The following DMXL1 variants were observed in gnomAD, a reference collection of about 807,000 sequenced individuals.
DMXL1 encodes Dmx like 1.
Under a neutral mutation model 319.2 loss-of-function variants are expected in DMXL1, and 99 were observed. The ratio of observed to expected loss-of-function variants is 0.31; its 90% confidence interval spans 0.26 to 0.37. DMXL1 has a LOEUF of 0.37. Among genes scored for constraint, DMXL1 ranks in the 10% least tolerant of loss-of-function variants. The pLI is 1.00. For missense variants in DMXL1, 3,745 were observed against 3,595.6 expected (o/e 1.04, Z -1.06); for synonymous variants, 1,385 against 1,235.2 (o/e 1.12, Z -2.54).
At chr5:119,187,403 A>G (rs141961290) in intron 28 of DMXL1, among the ~76,000 whole-genome samples, 6 of 152,306 alleles carry the variant, frequency 3.9e-5, no homozygotes, top group Non-Finnish European at 8.8e-5. Context: ...CCCAGCAGCT[A>G]TAGTTTTTAT....
In DMXL1 at chr5:119,073,923, G is replaced by GT. The variant is rs112722333; in HGVS notation, c.87+2279dup. Among the ~76,000 whole-genome samples the GT allele has an allele frequency of 7.1e-3, 1,022 of 143,254 alleles. 12 individuals are homozygous for GT. The highest frequency in any genetic ancestry group is 0.029 in the South Asian group (130 of 4,540). The allele number at this position is 143,254 out of a possible 152,430, so 94.0% of individuals were successfully genotyped here. A position where few individuals can be genotyped will look rare whatever the true frequency, so the allele number is the denominator to read the frequency against. On this transcript the variant is annotated intron_variant, in intron 1 of 43. Coordinates refer to ENST00000539542, the MANE Select transcript of DMXL1 (RefSeq NM_001290321.3). ...TTTACTTCTTGAGTTGTTTTGTGTT[G>GT]TTTTTTTTTTTTGAGACGGAGTTTC...
Position 119,167,867 on chromosome 5 carries a change from A to G in DMXL1, c.5398+3A>G. On this transcript the variant is annotated splice_donor_region_variant and intron_variant, in intron 23 of 43. Transcript: ENST00000539542. ...GCAACCTATCAGAGAGAATGATGGT[A>G]AGCTGCACTTCTAAGATGTTAATGA... is the stretch of plus-strand genomic sequence containing the variant. The G allele has an allele frequency of 6.2e-7, 1 of 1,609,684 alleles. No homozygotes were observed. Among genetic ancestry groups the G allele is most frequent in the South Asian group, 1.1e-5 (1 of 89,822 alleles).
chr5:119,079,746 C>G (rs562301242), intron 1 of DMXL1, among the ~76,000 whole-genome samples: 2 of 152,138 alleles, frequency 1.3e-5, no homozygotes, highest in Non-Finnish European at 2.9e-5. Flanking sequence ...ATCAACAGAT[C>G]TCCTTTGTAC....
At position 119,247,371 on chromosome 5, in the gene DMXL1, T is replaced by G. The variant is rs1482296693; in HGVS notation, c.*152T>G. ...GCTTTGCCCTTGATGCACTGATGCCTTAAAAATTAACAAGGTCATTCAGAA... is the reference window on the plus strand; with the variant it reads ...GCTTTGCCCTTGATGCACTGATGCCGTAAAAATTAACAAGGTCATTCAGAA... On this transcript the variant is annotated 3_prime_UTR_variant, in exon 44 of 44. Coordinates refer to ENST00000539542, the MANE Select transcript of DMXL1 (RefSeq NM_001290321.3). 1 of 578,628 alleles carries G rather than the reference T, an allele frequency of 1.7e-6. No homozygotes were observed. The highest frequency in any genetic ancestry group is 2.9e-5 in the East Asian group (1 of 34,518). The allele number at this position is 578,628 out of a possible 1,614,324, so 35.8% of individuals were successfully genotyped here.
At chr5:119,210,467 C>G (rs1048021102) in intron 34 of DMXL1, among the ~76,000 whole-genome samples, 2 of 152,066 alleles carry the variant, frequency 1.3e-5, no homozygotes, top group Admixed American at 1.3e-4. Flanking sequence ...AAGTATAGAC[C>G]TCAGTTCTTT....
At chr5:119,219,690 C>T (rs962917857) in intron 35 of DMXL1, among the ~76,000 whole-genome samples, 4 of 152,058 alleles carry the variant, frequency 2.6e-5, no homozygotes, top group Non-Finnish European at 5.9e-5. Context: ...ACCTCATTCT[C>T]CCAAGTAGCT....
rs753125466 is a variant in DMXL1, at chr5:119,197,779, G to T, written c.7568G>T (p.Cys2523Phe). 2 of 1,613,746 alleles carry T rather than the reference G, an allele frequency of 1.2e-6. No individual in the cohort carries two copies. The highest frequency in any genetic ancestry group is 1.7e-6 in the Non-Finnish European group (2 of 1,179,970). ...LAELPVSSPL[C>F]HAVLKTLQCW... is the part of the protein sequence containing the mutation. ...GAGCTTCCAGTTAGTTCACCTCTTT[G>T]TCATGCGGTTCTAAAAACTCTTCAA... Residue 2523 changes from cysteine to phenylalanine, a missense_variant, in exon 32 of 44, where the codon TGT (cysteine) becomes TTT (phenylalanine). Cys to Phe is a radical substitution (Grantham distance 205). This residue lies in a region of DMXL1 where 1,382 missense variants were observed against 1,269.5 expected (regional missense o/e 1.09). Transcript: ENST00000539542.
chr5:119,246,712 C>T (rs754562059), intron 43 of DMXL1, among the ~76,000 whole-genome samples: 12 of 141,234 alleles, frequency 8.5e-5, no homozygotes, highest in Non-Finnish European at 1.2e-4. Flanking sequence ...TGGGTCACTA[C>T]AAACTCCACC....
chr5:119,179,709 A>C (rs1208280673), intron 28 of DMXL1, among the ~76,000 whole-genome samples: 1 of 152,166 alleles, frequency 6.6e-6, no homozygotes, highest in East Asian at 1.9e-4. Context: ...CTGCATGACT[A>C]TATAGCAAAA....
chr5:119,200,235 T>G (rs1369681778), intron 32 of DMXL1, among the ~76,000 whole-genome samples: 1 of 152,188 alleles, frequency 6.6e-6, no homozygotes, highest in Non-Finnish European at 1.5e-5. Context: ...TAATCCATCT[T>G]GAGTTGATTT....
At chr5:119,235,452 C>G (rs1581478624) in intron 39 of DMXL1, among the ~76,000 whole-genome samples, 2 of 151,978 alleles carry the variant, frequency 1.3e-5, no homozygotes, top group Admixed American at 6.6e-5. Context: ...AGTTGAAAAT[C>G]AGGTTTGTTG....
Position 119,170,827 on chromosome 5 carries a change from T to A in DMXL1, c.6036T>A (p.Asp2012Glu), listed in dbSNP as rs1774397763. ...ACACAGAATCTTTCAGCACACTAGA[T>A]GAAAATGACCTTTTAAATCCATCAG... Reference protein sequence around the residue: ...SNYTESFSTLDENDLLNPSED... With the variant: ...SNYTESFSTLEENDLLNPSED... The change falls in exon 24 of 44, where the codon GAT becomes GAA. Residue 2012 changes from aspartate (D) to glutamate (E), a missense_variant. Asp to Glu is a conservative substitution (Grantham distance 45). Transcript: ENST00000539542. The A allele has an allele frequency of 1.2e-6, 2 of 1,611,180 alleles. No individual in the cohort carries two copies. Among genetic ancestry groups the A allele is most frequent in the Admixed American group, 3.4e-5 (2 of 59,540 alleles).
At position 119,171,217 on chromosome 5, in the gene DMXL1, C is replaced by T. The variant is rs1774477122; in HGVS notation, c.6426C>T (p.Ser2142=). The T allele has an allele frequency of 1.2e-6, 2 of 1,612,170 alleles. No homozygotes were observed. The highest frequency in any genetic ancestry group is 1.7e-6 in the Non-Finnish European group (2 of 1,178,758). The change falls in exon 24 of 44, where the codon TCC becomes TCT. Residue 2142 remains serine, a synonymous_variant. Coordinates refer to ENST00000539542, the MANE Select transcript of DMXL1 (RefSeq NM_001290321.3). ...MFLSYCILHG[S]HGGGLASVRM... ...TTAGTTACTGCATACTTCATGGATC[C>T]CATGGTGGGGGTCTTGCATCTGTAA...
At chr5:119,225,915 A>G (rs1249411315) in intron 38 of DMXL1, among the ~76,000 whole-genome samples, 1 of 152,128 alleles carries the variant, frequency 6.6e-6, no homozygotes, top group African/African-American at 2.4e-5. Context: ...TTATATATAA[A>G]ATTTAAATAA....
intron 15 of DMXL1, 64 bp downstream of exon 15, chr5:119,144,702 A>G: frequency 5.0e-6 from 5 of 1,007,116 alleles, no homozygotes; most frequent in Non-Finnish European, 5.6e-6. Context: ...GTTAATAAAG[A>G]TGAATTGGTA....
chr5:119,192,539 T>A (rs116178500), intron 29 of DMXL1, among the ~76,000 whole-genome samples: 4 of 152,196 alleles, frequency 2.6e-5, no homozygotes, highest in African/African-American at 9.6e-5. Context: ...TATATAACTT[T>A]CTGACCCAGT....
chr5:119,233,412 G>A lies in DMXL1; in HGVS notation c.8411G>A (p.Arg2804Gln), dbSNP rs765866496. The change falls in exon 39 of 44, where the codon CGA (arginine) becomes CAA (glutamine). Residue 2804 changes from arginine to glutamine, a missense_variant. This residue lies in a region of DMXL1 where 262 missense variants were observed against 320.5 expected (regional missense o/e 0.82). Transcript: ENST00000539542. ...CATTCTCAACAAATAACCTGTTTTC[G>A]ATCTGGTGGCAATTCAAGAGTTACA... ...WGHSQQITCF[R>Q]SGGNSRVTRM... is the part of the protein sequence containing the mutation. The A allele has an allele frequency of 5.0e-6, 8 of 1,612,494 alleles. No individual in the cohort carries two copies. The highest frequency in any genetic ancestry group is 2.2e-5 in the East Asian group (1 of 44,772).
intron 38 of DMXL1, among the ~76,000 whole-genome samples, chr5:119,230,135 A>G (rs1786403258): frequency 6.6e-6 from 1 of 152,208 alleles, no homozygotes; most frequent in East Asian, 1.9e-4. Context: ...CAAGTTAGTC[A>G]TTATTTATTT....
chr5:119,218,222 A>T (rs1784028739), intron 35 of DMXL1, among the ~76,000 whole-genome samples: 3 of 152,160 alleles, frequency 2.0e-5, no homozygotes, highest in South Asian at 2.1e-4. Flanking sequence ...ACAAAAAAAA[A>T]TTATCTATAC....
Sources: gnomAD v4.1 joint callset for allele counts (sites outside exome capture counted in the v4.1 genomes callset) on GRCh38, gnomAD v4.1.1 for gene constraint, gnomAD v4.1.1 regional missense constraint, MANE v1.5 for transcripts, NCBI Gene and HGNC (gene_info 2026-07-23, HGNC 2026-07-21) for gene names.